The following GGT1 variants were observed in gnomAD, a reference collection of about 807,000 sequenced individuals.
GGT1 encodes the protein glutathione hydrolase 1 proenzyme.
In GGT1, 21 loss-of-function variants were observed where a neutral mutation model predicts 56.0. The ratio of observed to expected loss-of-function variants is 0.38; its 90% CI spans 0.27 to 0.54. The LOEUF is 0.54. Among genes scored for constraint, GGT1 ranks in the 20% least tolerant of loss-of-function variants. The pLI, the probability that GGT1 is intolerant of heterozygous loss-of-function variation, is 0.82. For missense variants in GGT1, 466 were observed against 787.0 expected, an observed-to-expected ratio of 0.59 and a Z score of 4.88; for synonymous variants, 238 against 342.6, an observed-to-expected ratio of 0.69 and a Z score of 3.37.
chr22:24,608,451 C>T (rs1159448721), intron 2 of GGT1, among the ~76,000 whole-genome samples: 1 of 152,208 alleles, frequency 6.6e-6, no homozygotes, highest in Non-Finnish European at 1.5e-5. Flanking sequence ...GTTGGACCAC[C>T]CCAGGACCCT....
the GGT1 span, chr22:24,585,823 C>T: frequency 4.3e-5 from 61 of 1,427,816 alleles, no homozygotes; most frequent in Middle Eastern, 5.8e-4. Context: ...TGACCTTCAT[C>T]GCCCACTATC....
At chr22:24,592,813 C>T (rs1475177710), upstream of GGT1, 4 of 1,266,588 alleles carry the variant, frequency 3.2e-6, no homozygotes, top group African/African-American at 4.8e-5. Flanking sequence ...CCCCAGACCC[C>T]CAGACCCTCC....
chr22:24,588,445 A>G, the GGT1 span: 3 of 841,736 alleles, frequency 3.6e-6, no homozygotes, highest in African/African-American at 3.3e-5. Context: ...TGCACCATGC[A>G]TCACCGAGTT....
chr22:24,594,391 ATGTGTGTGTGTGTGTGTGTGTG>A (rs61535476), upstream of GGT1, among the ~76,000 whole-genome samples: 2 of 142,208 alleles, frequency 1.4e-5, no homozygotes, highest in Admixed American at 6.8e-5. Context: ...ACCCGTGTGT[ATGTGTGTGTGTGTGTGTGTGTG>A]TGTGTGTGTG....
intron 2 of GGT1, among the ~76,000 whole-genome samples, chr22:24,608,448 CA>C (rs2046455971): frequency 6.6e-6 from 1 of 152,204 alleles, no homozygotes; most frequent in South Asian, 2.1e-4. Context: ...ATGGTTGGAC[CA>C]CCCCAGGACC....
intron 1 of GGT1, among the ~76,000 whole-genome samples, chr22:24,603,994 TATTAA>T (rs1432176779): frequency 6.6e-6 from 1 of 152,000 alleles, no homozygotes; most frequent in Non-Finnish European, 1.5e-5. Context: ...AGGTAGTGGT[TATTAA>T]ATCTTACTGA....
At chr22:24,624,320 C>T (rs2047614583) in intron 11 of GGT1, 1 of 985,130 alleles carries the variant, frequency 1.0e-6, no homozygotes, top group Non-Finnish European at 1.2e-6. Flanking sequence ...CCAGATGCCA[C>T]CCTCAGCCCT....
intron 7 of GGT1, among the ~76,000 whole-genome samples, chr22:24,618,364 G>A (rs919044189): frequency 6.6e-6 from 1 of 152,190 alleles, no homozygotes; most frequent in Admixed American, 6.5e-5. Flanking sequence ...GCTGAGGTGG[G>A]TGGATGACCT....
In GGT1 at chr22:24,614,348, C is replaced by CAAA. The variant is rs534749815; in HGVS notation, c.165-401_165-399dup. ...TGAGCAACAAAGAGAGACTTTGTCT[C>CAAA]AAAAAAAAAAAAAAAAAAAAAAAAA... On this transcript the variant is annotated intron_variant, in intron 5 of 15. Coordinates refer to ENST00000400382, the MANE Select transcript of GGT1 (RefSeq NM_001288833.2). Among the ~76,000 whole-genome samples the CAAA allele has an allele frequency of 1.6e-3, 17 of 10,742 alleles. 2 individuals are homozygous for CAAA. Among genetic ancestry groups the CAAA allele is most frequent in the Non-Finnish European group, 2.8e-3 (12 of 4,234 alleles). The allele number at this position is 10,742 out of a possible 152,430, so 7.0% of individuals were successfully genotyped here.
chr22:24,600,150 C>T (rs1277997391), upstream of GGT1, among the ~76,000 whole-genome samples: 2 of 152,328 alleles, frequency 1.3e-5, no homozygotes, highest in Non-Finnish European at 2.9e-5. Flanking sequence ...TGGGCCCCTG[C>T]TCTGAGCTGC....
In GGT1 at chr22:24,628,411, T is replaced by G; in HGVS notation, c.1563+23T>G. ...CAGGTGGGCCGGGGGTTGGAGAAACTGAGTCAAGGTGTGGGGCCCCAGGGC... is the reference window on the plus strand; with the variant it reads ...CAGGTGGGCCGGGGGTTGGAGAAACGGAGTCAAGGTGTGGGGCCCCAGGGC... On this transcript the variant is annotated intron_variant, in intron 15 of 15. Transcript: ENST00000400382. This position sits in a 1 kb window ranked among gnomAD's most constrained non-coding sequence, Gnocchi z 5.7. 1 of 1,608,206 alleles carries G rather than the reference T, an allele frequency of 6.2e-7. No homozygotes were observed. The highest frequency in any genetic ancestry group is 8.5e-7 in the Non-Finnish European group (1 of 1,179,844).
the GGT1 span, chr22:24,589,760 C>T: frequency 2.0e-6 from 3 of 1,507,596 alleles, no homozygotes; most frequent in East Asian, 4.8e-5. Flanking sequence ...CAGCCCTGGG[C>T]TCTGTTGGCC....
intron 2 of GGT1, among the ~76,000 whole-genome samples, chr22:24,608,471 C>T (rs746795939): frequency 2.6e-5 from 4 of 152,220 alleles, no homozygotes; most frequent in African/African-American, 9.6e-5. Context: ...TGACCGGGGG[C>T]TCAGCTCATG....
the GGT1 span, chr22:24,585,915 G>A: frequency 1.2e-6 from 2 of 1,603,076 alleles, no homozygotes; most frequent in African/African-American, 1.3e-5. Context: ...TGGGGCTCGG[G>A]TCCCAGCCCA....
At chr22:24,589,517 G>A in the GGT1 span, 1 of 471,382 alleles carries the variant, frequency 2.1e-6, no homozygotes, top group Non-Finnish European at 3.2e-6. Flanking sequence ...GTCCCCATAT[G>A]ACTTCTGCCC....
chr22:24,595,813 G>T (rs1298031894), intron 1 of GGT1, among the ~76,000 whole-genome samples: 3 of 152,352 alleles, frequency 2.0e-5, no homozygotes, highest in South Asian at 4.1e-4. Flanking sequence ...TGCAGCCAGG[G>T]CTGGAACTGG....
At chr22:24,614,935 G>A (rs2046962851) in intron 6 of GGT1, 29 bp downstream of exon 6, 1 of 1,610,690 alleles carries the variant, frequency 6.2e-7, no homozygotes, top group East Asian at 2.2e-5. Flanking sequence ...GAGAGGGAGA[G>A]GGGCAGGGGG....
chr22:24,590,125 C>T (rs2045525728), upstream of GGT1, among the ~76,000 whole-genome samples: 1 of 152,176 alleles, frequency 6.6e-6, no homozygotes, highest in Admixed American at 6.5e-5. Context: ...GGGTGGCCCC[C>T]TTCTTTTTTT....
At chr22:24,593,722 G>A (rs2045638969), upstream of GGT1, among the ~76,000 whole-genome samples, 2 of 152,052 alleles carry the variant, frequency 1.3e-5, no homozygotes, top group African/African-American at 2.4e-5. Flanking sequence ...GGGAGGCGGA[G>A]GTTACAGTGA....
Sources: gnomAD v4.1 joint callset for allele counts (sites outside exome capture counted in the v4.1 genomes callset) on GRCh38, gnomAD v4.1.1 for gene constraint, Gnocchi (gnomAD v3.1) non-coding constraint, MANE v1.5 for transcripts, NCBI Gene and HGNC (gene_info 2026-07-23, HGNC 2026-07-21) for gene names.